The following TUBD1 variants were observed in gnomAD, a reference collection of about 807,000 sequenced individuals.
TUBD1 encodes tubulin delta chain.
A neutral mutation model predicts 51.2 loss-of-function variants in TUBD1; 38 were observed. The ratio of observed to expected loss-of-function variants is 0.74; its 90% CI spans 0.57 to 0.97. The LOEUF is 0.97. TUBD1 is among the 50% of genes least tolerant of loss of function. TUBD1 has a pLI of 0.00. For missense variants in TUBD1, 489 were observed against 538.4 expected, an observed-to-expected ratio of 0.91 and a Z score of 0.91; for synonymous variants, 169 against 178.2, an observed-to-expected ratio of 0.95 and a Z score of 0.41.
At position 59,860,363 on chromosome 17, in the gene TUBD1, T is replaced by G. The variant is rs893719279; in HGVS notation, c.1321A>C (p.Thr441Pro). 2.2e-5 allele frequency: 36 copies of G among 1,612,722 alleles called. No homozygotes were observed. Among genetic ancestry groups the G allele is most frequent in the Non-Finnish European group, 2.8e-5 (33 of 1,179,684 alleles). Residue 441 changes from threonine (T) to proline (P), a missense_variant, in exon 9 of 9, where the codon ACG (threonine) becomes CCG (proline). Coordinates refer to ENST00000325752, the MANE Select transcript of TUBD1 (RefSeq NM_016261.4). The part of the protein sequence containing the change: ...IEEEDFLDSF[T>P]SLEQVVASYC... Reference sequence around the variant, plus strand: ...CTGGCAACAACCTGCTCTAATGACGTGAAACTGTCTAAAAAGTCCTCTTCT... The same window carrying G: ...CTGGCAACAACCTGCTCTAATGACGGGAAACTGTCTAAAAAGTCCTCTTCT...
At position 59,890,887 on chromosome 17, in the gene TUBD1, T is replaced by G; in HGVS notation, c.116A>C (p.Asn39Thr). Residue 39 changes from asparagine to threonine, a missense_variant, in exon 2 of 9, where the codon AAT (asparagine) becomes ACT (threonine). Physicochemically the swap from Asn to Thr is moderately conservative, Grantham distance 65. Coordinates refer to ENST00000325752, the MANE Select transcript of TUBD1 (RefSeq NM_016261.4). ...SSQGLCSMRENEAYQASCKER... is the reference protein window; with the variant it reads ...SSQGLCSMRETEAYQASCKER... ...TTTGCAAGATGCTTGATATGCCTCA[T>G]TCTCTCTCATAGAGCAGAGTCCCTG... 1 of 1,613,722 alleles carries G rather than the reference T, an allele frequency of 6.2e-7. No homozygotes were observed. The highest frequency in any genetic ancestry group is 8.5e-7 in the Non-Finnish European group (1 of 1,179,926).
At chr17:59,877,504 G>C (rs1048642892) in intron 5 of TUBD1, among the ~76,000 whole-genome samples, 2 of 152,204 alleles carry the variant, frequency 1.3e-5, no homozygotes, top group African/African-American at 2.4e-5. Flanking sequence ...GGCTAGGGCC[G>C]GGTGCGGTGG....
intron 2 of TUBD1, among the ~76,000 whole-genome samples, chr17:59,888,574 T>A (rs1452246582): frequency 6.6e-6 from 1 of 151,936 alleles, no homozygotes; most frequent in Non-Finnish European, 1.5e-5. Flanking sequence ...GGGCTAGAGG[T>A]CTGAAAGTCA....
intron 6 of TUBD1, among the ~76,000 whole-genome samples, chr17:59,869,332 C>T (rs571310446): frequency 3.3e-5 from 5 of 149,296 alleles, no homozygotes; most frequent in African/African-American, 4.9e-5. Context: ...AAAAATTAGA[C>T]GGGCATGGTG....
chr17:59,887,003 G>A (rs894828129), intron 2 of TUBD1, among the ~76,000 whole-genome samples: 3 of 151,534 alleles, frequency 2.0e-5, no homozygotes, highest in Non-Finnish European at 2.9e-5. Context: ...TGGCCAACAT[G>A]GTGAAAACCC....
intron 6 of TUBD1, among the ~76,000 whole-genome samples, chr17:59,871,838 C>T (rs2039993702): frequency 6.6e-6 from 1 of 151,928 alleles, no homozygotes; most frequent in East Asian, 1.9e-4. Flanking sequence ...CTCTGTTGCC[C>T]AGGCTGGAGT....
chr17:59,877,061 T>C (rs902483359), intron 5 of TUBD1, among the ~76,000 whole-genome samples: 2 of 151,974 alleles, frequency 1.3e-5, no homozygotes, highest in Non-Finnish European at 2.9e-5. Context: ...GGTTTCACCG[T>C]ATTGGCCAGG....
chr17:59,860,744 AC>A (rs1220475478), intron 8 of TUBD1, among the ~76,000 whole-genome samples: 1 of 151,702 alleles, frequency 6.6e-6, no homozygotes. Flanking sequence ...GTGCCACCAC[AC>A]CCAGCTAATT....
intron 6 of TUBD1, 152 bp downstream of exon 6, chr17:59,874,387 C>A: frequency 1.6e-6 from 1 of 610,980 alleles, no homozygotes. Flanking sequence ...ATTAAGAAAC[C>A]CTCCTAAGAT....
Position 59,869,196 on chromosome 17 carries a change from C to A in TUBD1, c.935-2447G>T, listed in dbSNP as rs1024459209. On this transcript the variant is annotated intron_variant, in intron 6 of 8. Coordinates refer to ENST00000325752, the MANE Select transcript of TUBD1 (RefSeq NM_016261.4). ...ACTGTGAAAAAATGCTGACACCCGG[C>A]CGGGCATGGTGGCTTCTGCCTATAA... is the stretch of plus-strand genomic sequence containing the variant. Among the ~76,000 whole-genome samples the A allele has an allele frequency of 3.3e-5, 5 of 151,800 alleles. No homozygotes were observed. The South Asian group carries it at 1.0e-3, about 32-fold the overall frequency.
chr17:59,879,268 CAAAAA>C (rs373101335), intron 4 of TUBD1, among the ~76,000 whole-genome samples: 1 of 128,426 alleles, frequency 7.8e-6, no homozygotes. Context: ...AACTCTGTCT[CAAAAA>C]AAAAAAAAAA....
chr17:59,888,213 G>C (rs2040823189), intron 2 of TUBD1, among the ~76,000 whole-genome samples: 1 of 152,118 alleles, frequency 6.6e-6, no homozygotes, highest in Admixed American at 6.6e-5. Context: ...GGGATTATAG[G>C]CATGAGCCAC....
chr17:59,864,500 AGTTTTGTTTT>A (rs779131234), intron 7 of TUBD1, among the ~76,000 whole-genome samples: 1 of 151,464 alleles, frequency 6.6e-6, no homozygotes, highest in Non-Finnish European at 1.5e-5. Context: ...ATATACTGCC[AGTTTTGTTTT>A]GTTTTGTTTT....
At chr17:59,876,228 T>A (rs775793290) in intron 5 of TUBD1, among the ~76,000 whole-genome samples, 1 of 152,026 alleles carries the variant, frequency 6.6e-6, no homozygotes, top group Admixed American at 6.6e-5. Flanking sequence ...TTGTCCAAAC[T>A]GGTGTGCAGT....
At chr17:59,874,406 G>A (rs1292058321) in intron 6 of TUBD1, 133 bp downstream of exon 6, 3 of 759,398 alleles carry the variant, frequency 4.0e-6, no homozygotes, top group East Asian at 2.7e-5. Flanking sequence ...ATGTCCTGGT[G>A]AGTTTCTGCC....
rs754451688 is a variant in TUBD1 at position 59,878,261 on chromosome 17, TGAA to T, written c.608_610del (p.Leu203del). The T allele has an allele frequency of 1.9e-6, 3 of 1,613,936 alleles. No individual in the cohort carries two copies. Among genetic ancestry groups the T allele is most frequent in the East Asian group, 2.2e-5 (1 of 44,874 alleles). On this transcript the variant is annotated inframe_deletion, in exon 5 of 9. Coordinates refer to ENST00000325752, the MANE Select transcript of TUBD1 (RefSeq NM_016261.4). ...GATCTTATGGATGGCATCATTCTCA[TGAA>T]GAAGGAGGGCGTCTGAAGATCGGTA...
chr17:59,883,036 T>C (rs2040560372), intron 3 of TUBD1, among the ~76,000 whole-genome samples: 2 of 151,720 alleles, frequency 1.3e-5, no homozygotes, highest in Admixed American at 6.6e-5. Flanking sequence ...CCGCCCTCCT[T>C]GGCCTCCCAA....
Position 59,863,736 on chromosome 17 carries a change from A to C in TUBD1, c.1187T>G (p.Val396Gly). Residue 396 changes from valine to glycine, a missense_variant, in exon 8 of 9, where the codon GTC (valine) becomes GGC (glycine). Val to Gly is a moderately radical substitution (Grantham distance 109). Coordinates refer to ENST00000325752, the MANE Select transcript of TUBD1 (RefSeq NM_016261.4). ...FSKYEKSAVL[V>G]SNSQFLVKPL... ...TTTTACTAAGAACTGGCTGTTGCTGACCAACACTGCAGACTTCTCATATTT... is the reference window on the plus strand; with the variant it reads ...TTTTACTAAGAACTGGCTGTTGCTGCCCAACACTGCAGACTTCTCATATTT... 1 of 1,609,712 alleles carries C rather than the reference A, an allele frequency of 6.2e-7. No homozygotes were observed. The highest frequency in any genetic ancestry group is 8.5e-7 in the Non-Finnish European group (1 of 1,178,720).
At chr17:59,881,560 T>A (rs2040489445) in intron 3 of TUBD1, among the ~76,000 whole-genome samples, 1 of 152,210 alleles carries the variant, frequency 6.6e-6, no homozygotes, top group South Asian at 2.1e-4. Context: ...TGGGGGTACA[T>A]GTGATATTTG....
Sources: gnomAD v4.1 joint callset for allele counts (sites outside exome capture counted in the v4.1 genomes callset) on GRCh38, gnomAD v4.1.1 for gene constraint, MANE v1.5 for transcripts, NCBI Gene and HGNC (gene_info 2026-07-23, HGNC 2026-07-21) for gene names.